Variants in MIR2052HG observed in about 807,000 individuals in gnomAD.
MIR2052HG encodes MIR2052 host gene.
intron 4 of MIR2052HG, among the ~76,000 whole-genome samples, chr8:74,713,704 A>C (rs1809492926): frequency 6.6e-6 from 1 of 151,762 alleles, no homozygotes; most frequent in Non-Finnish European, 1.5e-5. Context: ...AAATGAGGAC[A>C]GATTTTTTTG....
intron 2 of MIR2052HG, among the ~76,000 whole-genome samples, chr8:74,623,201 T>G (rs1808388235): frequency 6.6e-6 from 1 of 152,222 alleles, no homozygotes; most frequent in Non-Finnish European, 1.5e-5. Context: ...TTAGCGTGAT[T>G]TAGCCATTCC....
chr8:74,600,704 T>G lies in MIR2052HG; in HGVS notation n.128+796T>G, dbSNP rs958442925. 2.0e-5 allele frequency among the ~76,000 whole-genome samples: 3 copies of G among 152,110 alleles called. No homozygotes were observed. In the East Asian group the frequency reaches 5.8e-4, roughly 30 times the overall value. On this transcript the variant is annotated intron_variant and non_coding_transcript_variant, in intron 1 of 6. Coordinates refer to ENST00000523442, the Ensembl canonical transcript of MIR2052HG. Reference sequence around the variant, plus strand: ...GATTATCCTGCCTCAGCCTCCCAAGTAGCTGGGATTACAAGTGCGTGCCAC... The same window carrying G: ...GATTATCCTGCCTCAGCCTCCCAAGGAGCTGGGATTACAAGTGCGTGCCAC...
chr8:74,670,853 A>C (rs1808984047), intron 2 of MIR2052HG, among the ~76,000 whole-genome samples: 1 of 152,118 alleles, frequency 6.6e-6, no homozygotes. Flanking sequence ...TTTTTAAATA[A>C]ACGATTTCTT....
At chr8:74,602,870 TTTC>T (rs1808038345) in intron 1 of MIR2052HG, among the ~76,000 whole-genome samples, 1 of 148,468 alleles carries the variant, frequency 6.7e-6, no homozygotes, top group African/African-American at 2.5e-5. Context: ...TCTTTCTTTC[TTTC>T]TTTTTTCTAT....
chr8:74,726,982 A>T (rs534606729), intron 4 of MIR2052HG, among the ~76,000 whole-genome samples: 1 of 152,346 alleles, frequency 6.6e-6, no homozygotes, highest in Non-Finnish European at 1.5e-5. Context: ...TTGAAAATGA[A>T]CATTACATCA....
chr8:74,729,839 TA>T (rs1440889034), intron 4 of MIR2052HG, among the ~76,000 whole-genome samples: 3 of 152,150 alleles, frequency 2.0e-5, no homozygotes, highest in African/African-American at 7.2e-5. Flanking sequence ...GTCATTAAAT[TA>T]AATTCTTTTG....
chr8:74,642,162 T>C (rs184669446), intron 2 of MIR2052HG, among the ~76,000 whole-genome samples: 18 of 152,276 alleles, frequency 1.2e-4, no homozygotes, highest in Non-Finnish European at 2.1e-4. Context: ...GGATTGCAAA[T>C]TGGTAAGTTG....
chr8:74,688,837 A>C (rs762101289), intron 2 of MIR2052HG, among the ~76,000 whole-genome samples: 51 of 152,008 alleles, frequency 3.4e-4, no homozygotes, highest in Non-Finnish European at 6.5e-4. Flanking sequence ...ACAAGTCCCC[A>C]AAGTTCATTA....
At chr8:74,739,982 T>C (rs998679224) in intron 4 of MIR2052HG, among the ~76,000 whole-genome samples, 2 of 152,196 alleles carry the variant, frequency 1.3e-5, no homozygotes, top group South Asian at 2.1e-4. Flanking sequence ...ACCACAATTA[T>C]GCATCCATGT....
At chr8:74,708,418 C>A (rs1809432627) in intron 4 of MIR2052HG, among the ~76,000 whole-genome samples, 1 of 152,090 alleles carries the variant, frequency 6.6e-6, no homozygotes. Context: ...GTCAATGAAG[C>A]CAAATTCCCT....
At chr8:74,635,545 G>T (rs1045040798) in intron 2 of MIR2052HG, among the ~76,000 whole-genome samples, 1 of 152,116 alleles carries the variant, frequency 6.6e-6, no homozygotes, top group Non-Finnish European at 1.5e-5. Context: ...GTTCCACTTG[G>T]CTAGAGTCGA....
intron 4 of MIR2052HG, among the ~76,000 whole-genome samples, chr8:74,714,580 T>G (rs2128741984): frequency 6.6e-6 from 1 of 152,172 alleles, no homozygotes; most frequent in African/African-American, 2.4e-5. Flanking sequence ...TTTACTATTC[T>G]TTGTTAAACT....
chr8:74,689,187 A>G (rs1809214200), intron 2 of MIR2052HG, among the ~76,000 whole-genome samples: 1 of 152,152 alleles, frequency 6.6e-6, no homozygotes, highest in Non-Finnish European at 1.5e-5. Context: ...GTCTCATTAG[A>G]AAAACGTTTG....
chr8:74,735,251 G>C (rs950908892), intron 4 of MIR2052HG, among the ~76,000 whole-genome samples: 1 of 152,156 alleles, frequency 6.6e-6, no homozygotes, highest in Non-Finnish European at 1.5e-5. Context: ...CTTCTCTCCT[G>C]TCCTCCTTTC....
intron 4 of MIR2052HG, among the ~76,000 whole-genome samples, chr8:74,739,823 T>A (rs1397262915): frequency 1.3e-5 from 2 of 152,182 alleles, no homozygotes; most frequent in Non-Finnish European, 1.5e-5. Context: ...GTGCATGTTT[T>A]GTTTGTACTA....
At chr8:74,720,940 A>G (rs565140689) in intron 4 of MIR2052HG, among the ~76,000 whole-genome samples, 2 of 152,248 alleles carry the variant, frequency 1.3e-5, no homozygotes, top group African/African-American at 4.8e-5. Context: ...GCATGGAGGA[A>G]ACTGCTCCCA....
intron 2 of MIR2052HG, among the ~76,000 whole-genome samples, chr8:74,671,229 T>C (rs1009060739): frequency 6.6e-6 from 1 of 152,022 alleles, no homozygotes; most frequent in Non-Finnish European, 1.5e-5. Context: ...TATCATTTCC[T>C]TTTGCCAACA....
intron 2 of MIR2052HG, among the ~76,000 whole-genome samples, chr8:74,641,347 C>T (rs1358716756): frequency 6.6e-6 from 1 of 152,064 alleles, no homozygotes. Flanking sequence ...TGAATCCAAG[C>T]CTAGCAGGAC....
intron 4 of MIR2052HG, among the ~76,000 whole-genome samples, chr8:74,708,838 T>C (rs189411039): frequency 7.1e-4 from 108 of 151,514 alleles, no homozygotes; most frequent in Non-Finnish European, 1.2e-3. Flanking sequence ...AAAATTTAAA[T>C]AAAATTTTAA....
Sources: gnomAD v4.1 joint callset for allele counts (sites outside exome capture counted in the v4.1 genomes callset) on GRCh38, gnomAD v4.1.1 for gene constraint, MANE v1.5 for transcripts, NCBI Gene and HGNC (gene_info 2026-07-23, HGNC 2026-07-21) for gene names.